DOT1L: variants seen among roughly 807,000 people sequenced by gnomAD.
DOT1L encodes histone-lysine N-methyltransferase, H3 lysine-79 specific.
A neutral mutation model predicts 153.3 loss-of-function variants in DOT1L; 33 were observed. The observed-to-expected ratio is 0.22, with a 90% CI of 0.16 to 0.29. DOT1L has a LOEUF of 0.29. Among genes scored for constraint, DOT1L ranks in the 10% least tolerant of loss-of-function variants. The pLI, the probability that DOT1L is intolerant of heterozygous loss-of-function variation, is 1.00. For synonymous variants in DOT1L, 1,135 were observed against 965.1 expected, an observed-to-expected ratio of 1.18 and a Z score of -3.26; for missense variants, 1,847 against 2,119.9, an observed-to-expected ratio of 0.87 and a Z score of 2.53.
At chr19:2,170,105 G>C (rs2020069519) in intron 1 of DOT1L, among the ~76,000 whole-genome samples, 1 of 152,198 alleles carries the variant, frequency 6.6e-6, no homozygotes, top group Non-Finnish European at 1.5e-5. Flanking sequence ...TTACACTCCA[G>C]ACTGGTCGAC....
chr19:2,198,794 A>G (rs1441529424), intron 7 of DOT1L, among the ~76,000 whole-genome samples: 1 of 152,168 alleles, frequency 6.6e-6, no homozygotes, highest in African/African-American at 2.4e-5. Flanking sequence ...TCACAGAAAC[A>G]GGATCACACA....
rs543411561 is a variant in DOT1L, at chr19:2,209,341, A to T, written c.1005+365A>T. Among the ~76,000 whole-genome samples the T allele has an allele frequency of 5.9e-5, 9 of 151,982 alleles. No homozygotes were observed. The East Asian group carries it at 7.8e-4, about 13-fold the overall frequency. ...CTTGTCTTTGATGGTTTGGCCTGGG[A>T]CATCCTTCCCCTTGTTAATACTTAT... On this transcript the variant is annotated intron_variant, in intron 12 of 27. Coordinates refer to ENST00000398665, the MANE Select transcript of DOT1L (RefSeq NM_032482.3).
rs740404 is a variant in DOT1L at position 2,232,050 on chromosome 19, G to A, written c.*2258G>A. 0.12 allele frequency: 25,126 copies of A among 210,012 alleles called. 1,682 individuals carry two copies. The highest frequency in any genetic ancestry group is 0.2 in the East Asian group (2,809 of 14,040). 13.0% of individuals were successfully genotyped at this position (210,012 alleles called of 1,614,324 possible). A position where few individuals can be genotyped will look rare whatever the true frequency, so the allele number is the denominator to read the frequency against. ...AGACACTCCCAGACTGAGGGGTGGT[G>A]TGTGGCGGGTGGCAGGGTGGCTGTG... is the stretch of plus-strand genomic sequence containing the variant. On this transcript the variant is annotated 3_prime_UTR_variant, in exon 28 of 28. Coordinates refer to ENST00000398665, the MANE Select transcript of DOT1L (RefSeq NM_032482.3).
In DOT1L at chr19:2,202,793, C is replaced by T. The variant is rs547935230; in HGVS notation, c.787+14C>T. On this transcript the variant is annotated intron_variant, in intron 9 of 27. Transcript: ENST00000398665. ...ACATGAAGGAAGGTAAGGCGCCCTCCTCGCCGGTCTGTGCTGGTGTGACAT... is the reference window on the plus strand; with the variant it reads ...ACATGAAGGAAGGTAAGGCGCCCTCTTCGCCGGTCTGTGCTGGTGTGACAT... 2.1e-5 allele frequency: 34 copies of T among 1,614,028 alleles called. No individual in the cohort carries two copies. Among genetic ancestry groups the T allele is most frequent in the Middle Eastern group, 3.3e-4 (2 of 6,072 alleles).
chr19:2,194,440 G>T lies in DOT1L; in HGVS notation c.589-75G>T, dbSNP rs1599566082. ...CCCTCCTCAGCCTCCCAAAGTGCCGGGATTACAGGCGTGAGCCACCGCGCC... is the reference window on the plus strand; with the variant it reads ...CCCTCCTCAGCCTCCCAAAGTGCCGTGATTACAGGCGTGAGCCACCGCGCC... On this transcript the variant is annotated intron_variant, in intron 6 of 27. Coordinates refer to ENST00000398665, the MANE Select transcript of DOT1L (RefSeq NM_032482.3). 5 of 1,566,824 alleles carry T rather than the reference G, an allele frequency of 3.2e-6. No homozygotes were observed. In the East Asian group the frequency reaches 1.1e-4, roughly 35 times the overall value.
intron 27 of DOT1L, 175 bp from the exon 28 acceptor site, chr19:2,229,610 G>A (rs554174858): frequency 1.0e-6 from 1 of 985,322 alleles, no homozygotes; most frequent in African/African-American, 1.7e-5. Context: ...GTCTGTCACG[G>A]GGCACGCCCG....
rs1409117294 is a variant in DOT1L, at chr19:2,197,162, C to T, written c.651+2585C>T. Among the ~76,000 whole-genome samples, 9 of 152,204 alleles carry T rather than the reference C, an allele frequency of 5.9e-5. No homozygotes were observed. The South Asian group carries it at 6.2e-4, about 11-fold the overall frequency. On this transcript the variant is annotated intron_variant, in intron 7 of 27. Transcript: ENST00000398665. The surrounding 1 kb of genome is among the most constrained non-coding windows in gnomAD (Gnocchi z 4.1). ...GTTTGGTCTCTGGGTGGCGCTCCCT[C>T]GGCTTCTGTTCTGCTGTCTTTGACC... is the stretch of plus-strand genomic sequence containing the variant.
intron 8 of DOT1L, among the ~76,000 whole-genome samples, chr19:2,200,770 ATCCTCCCCTCATTCCTCG>A (rs1398423652): frequency 9.2e-6 from 1 of 108,344 alleles, no homozygotes; most frequent in Non-Finnish European, 1.9e-5. Context: ...CGCATTCTTC[ATCCTCCCCTCATTCCTCG>A]TCCTCCCCGC....
intron 12 of DOT1L, among the ~76,000 whole-genome samples, chr19:2,210,194 C>T (rs2023657515): frequency 6.6e-6 from 1 of 152,250 alleles, no homozygotes; most frequent in Non-Finnish European, 1.5e-5. Flanking sequence ...GTTATCCGTG[C>T]CCACGGGTCA....
intron 1 of DOT1L, among the ~76,000 whole-genome samples, chr19:2,168,672 C>T (rs2020017795): frequency 6.6e-6 from 1 of 152,108 alleles, no homozygotes; most frequent in African/African-American, 2.4e-5. Flanking sequence ...TGGAGTACAA[C>T]GGTGTGATCT....
intron 7 of DOT1L, among the ~76,000 whole-genome samples, chr19:2,198,346 C>T (rs1007322543): frequency 2.6e-5 from 4 of 152,294 alleles, no homozygotes; most frequent in South Asian, 4.1e-4. Flanking sequence ...GGCTCGCCTG[C>T]GCACCTCCCA....
chr19:2,214,938 C>T (rs1022853479), intron 19 of DOT1L, among the ~76,000 whole-genome samples: 4 of 152,136 alleles, frequency 2.6e-5, no homozygotes, highest in African/African-American at 9.7e-5. Flanking sequence ...ACAGCTGGAT[C>T]GGTGCAGGGG....
intron 27 of DOT1L, chr19:2,229,019 G>A (rs1172713165): frequency 1.0e-5 from 10 of 985,324 alleles, no homozygotes; most frequent in Non-Finnish European, 1.2e-5. Flanking sequence ...TGCTGGACAC[G>A]GCTGATGGCC....
intron 27 of DOT1L, 180 bp downstream of exon 27, chr19:2,227,307 G>A (rs1231149768): frequency 3.6e-6 from 3 of 833,764 alleles, no homozygotes; most frequent in Non-Finnish European, 6.2e-6. Flanking sequence ...GAGGGCTCAC[G>A]CTGAGTCCGT....
chr19:2,175,493 A>T (rs376116105), intron 1 of DOT1L, among the ~76,000 whole-genome samples: 217 of 152,256 alleles, frequency 1.4e-3, no homozygotes, highest in African/African-American at 5.1e-3. Context: ...TAACTTATTT[A>T]ACCAAGTATA....
At chr19:2,165,794 A>T (rs1390185134) in intron 1 of DOT1L, among the ~76,000 whole-genome samples, 1 of 142,806 alleles carries the variant, frequency 7.0e-6, no homozygotes, top group Non-Finnish European at 1.5e-5. Context: ...TTTGAGACGG[A>T]GTCTCGATCT....
Position 2,226,308 on chromosome 19 carries a change from G to A in DOT1L, c.3787G>A (p.Ala1263Thr), listed in dbSNP as rs367780942. 5.8e-5 allele frequency: 92 copies of A among 1,598,436 alleles called. No individual in the cohort carries two copies. Among genetic ancestry groups the A allele is most frequent in the Non-Finnish European group, 6.9e-5 (81 of 1,174,062 alleles). Residue 1263 changes from alanine (A) to threonine (T), a missense_variant, in exon 27 of 28, where the codon GCC becomes ACC. Coordinates refer to ENST00000398665, the MANE Select transcript of DOT1L (RefSeq NM_032482.3). ...LAKSADSPLQ[A>T]SSALSQNSLF... ...CAAGTCGGCGGACAGCCCGCTGCAG[G>A]CCAGCTCCGCCCTCAGCCAGAACTC...
chr19:2,173,549 C>T (rs893244858), intron 1 of DOT1L, among the ~76,000 whole-genome samples: 5 of 152,280 alleles, frequency 3.3e-5, no homozygotes, highest in South Asian at 2.1e-4. Context: ...CTGTGAGAAA[C>T]GGCCAGGGTT....
intron 2 of DOT1L, among the ~76,000 whole-genome samples, chr19:2,185,600 C>G (rs2022459856): frequency 6.6e-6 from 1 of 152,074 alleles, no homozygotes; most frequent in South Asian, 2.1e-4. Flanking sequence ...CTAACCCGGT[C>G]TCTACTAAAA....
Sources: gnomAD v4.1 joint callset for allele counts (sites outside exome capture counted in the v4.1 genomes callset) on GRCh38, gnomAD v4.1.1 for gene constraint, Gnocchi (gnomAD v3.1) non-coding constraint, MANE v1.5 for transcripts, NCBI Gene and HGNC (gene_info 2026-07-23, HGNC 2026-07-21) for gene names.